Variants in PCSK9 observed in about 807,000 individuals in gnomAD.
The protein encoded by PCSK9 is proprotein convertase subtilisin/kexin type 9.
PCSK9 carries 57 observed loss-of-function variants against 62.1 expected under a neutral mutation model. That is an observed-to-expected ratio of 0.92 (90% CI 0.74 to 1.14). The LOEUF (loss-of-function observed/expected upper bound fraction) is 1.14. PCSK9 is among the 50% of genes most tolerant of loss of function. PCSK9 has a pLI of 0.00. For missense variants in PCSK9, 870 were observed against 959.8 expected, an observed-to-expected ratio of 0.91 and a Z score of 1.24; for synonymous variants, 387 against 409.4, an observed-to-expected ratio of 0.95 and a Z score of 0.66.
chr1:55,058,830 G>A (rs756311605), intron 9 of PCSK9, among the ~76,000 whole-genome samples, 183 bp downstream of exon 9: 3 of 152,162 alleles, frequency 2.0e-5, no homozygotes, highest in African/African-American at 2.4e-5. Flanking sequence ...CTCACTTCAC[G>A]CGGCTGGGGG....
At position 55,061,341 on chromosome 1, in the gene PCSK9, A is replaced by G. The variant is rs72646524; in HGVS notation, c.1682-34A>G. 5.1e-4 allele frequency: 816 copies of G among 1,584,570 alleles called. 1 individual carries two copies. The African/African-American group carries it at 7.8e-3, about 15-fold the overall frequency. On this transcript the variant is annotated intron_variant, in intron 10 of 11. Transcript: ENST00000302118. ...GGCACTGGAGACGGAGCATCCCAGCATTTCACATCTGAGCTGGCTTTCCTC... is the reference window on the plus strand; with the variant it reads ...GGCACTGGAGACGGAGCATCCCAGCGTTTCACATCTGAGCTGGCTTTCCTC...
In PCSK9 at chr1:55,063,883, T is replaced by C; in HGVS notation, c.*299T>C. 4.1e-6 allele frequency: 2 copies of C among 484,296 alleles called. No homozygotes were observed. The highest frequency in any genetic ancestry group is 1.1e-3 in the Middle Eastern group (2 of 1,836). The allele number at this position is 484,296 out of a possible 1,614,324, so 30.0% of individuals were successfully genotyped here. A position where few individuals can be genotyped will look rare whatever the true frequency, so the allele number is the denominator to read the frequency against. On this transcript the variant is annotated 3_prime_UTR_variant, in exon 12 of 12. Transcript: ENST00000302118. ...CTCGGGTGCTGCCAGCTGCTCCCAA[T>C]GTGCCGATGTCCGTGGGCAGAATGA...
intron 6 of PCSK9, 25 bp downstream of exon 6, chr1:55,056,214 A>C: frequency 2.5e-6 from 2 of 811,350 alleles, no homozygotes; most frequent in South Asian, 3.9e-5. Flanking sequence ...TGCTGCCCCA[A>C]GGCGCGGGTA....
Position 55,046,542 on chromosome 1 carries a change from T to C in PCSK9, c.419T>C (p.Val140Ala). 1 of 1,614,142 alleles carries C rather than the reference T, an allele frequency of 6.2e-7. No homozygotes were observed. Among genetic ancestry groups the C allele is most frequent in the African/African-American group, 1.3e-5 (1 of 75,024 alleles). ...CTGCAGGCCTTGAAGTTGCCCCATG[T>C]CGACTACATCGAGGAGGACTCCTCT... ...LLELALKLPHVDYIEEDSSVF... is the reference protein window; with the variant it reads ...LLELALKLPHADYIEEDSSVF... Residue 140 changes from valine (V) to alanine (A), a missense_variant, in exon 3 of 12, where the codon GTC becomes GCC. Coordinates refer to ENST00000302118, the MANE Select transcript of PCSK9 (RefSeq NM_174936.4).
intron 5 of PCSK9, among the ~76,000 whole-genome samples, chr1:55,053,961 G>C (rs946694838): frequency 2.6e-5 from 4 of 152,190 alleles, no homozygotes; most frequent in Non-Finnish European, 5.9e-5. Flanking sequence ...CTTATTGCAT[G>C]ACCTGGCACG....
Position 55,059,528 on chromosome 1 carries a change from G to C in PCSK9, c.1546G>C (p.Gly516Arg). Residue 516 changes from glycine to arginine, a missense_variant, in exon 10 of 12, where the codon GGG becomes CGG. By Grantham distance (125) the Gly-to-Arg change is moderately radical (BLOSUM62 -2). Transcript: ENST00000302118. Reference protein sequence around the residue: ...KLVCRAHNAFGGEGVYAIARC... With the variant: ...KLVCRAHNAFRGEGVYAIARC... ...GGTCTGCCGGGCCCACAACGCTTTT[G>C]GGGGTGAGGGTGTCTACGCCATTGC... The C allele has an allele frequency of 4.5e-6, 7 of 1,564,670 alleles. No homozygotes were observed. Among genetic ancestry groups the C allele is most frequent in the Non-Finnish European group, 6.1e-6 (7 of 1,153,456 alleles).
At chr1:55,041,848 T>C (rs1644599899) in intron 1 of PCSK9, among the ~76,000 whole-genome samples, 1 of 152,134 alleles carries the variant, frequency 6.6e-6, no homozygotes, top group Non-Finnish European at 1.5e-5. Flanking sequence ...GCGATGATGG[T>C]GTCATGAGAA....
rs1305635836 is a variant in PCSK9, at chr1:55,046,579, G to A, written c.456G>A (p.Gln152=). 5 of 1,614,170 alleles carry A rather than the reference G, an allele frequency of 3.1e-6. No individual in the cohort carries two copies. Among genetic ancestry groups the A allele is most frequent in the Non-Finnish European group, 4.2e-6 (5 of 1,180,038 alleles). Residue 152 remains glutamine, a synonymous_variant, in exon 3 of 12, where the codon CAG becomes CAA. Coordinates refer to ENST00000302118, the MANE Select transcript of PCSK9 (RefSeq NM_174936.4). ...AGGAGGACTCCTCTGTCTTTGCCCA[G>A]AGCATCCCGTGGAACCTGGAGCGGA... ...YIEEDSSVFA[Q]SIPWNLERIT... is the part of the protein sequence containing the mutation.
intron 7 of PCSK9, 75 bp downstream of exon 7, chr1:55,057,589 C>T (rs372109954): frequency 1.3e-6 from 2 of 1,505,420 alleles, no homozygotes; most frequent in African/African-American, 2.8e-5. Context: ...GTGCCGGGAC[C>T]TCCAGTGCCA....
intron 11 of PCSK9, among the ~76,000 whole-genome samples, chr1:55,062,558 G>A (rs192122768): frequency 1.2e-4 from 19 of 152,364 alleles, no homozygotes; most frequent in Admixed American, 1.2e-3. Flanking sequence ...AGCAAGGAAG[G>A]GAATGGGGTG....
At chr1:55,046,498 C>A (rs936600574) in intron 2 of PCSK9, 25 bp from the exon 3 acceptor site, 1 of 1,614,044 alleles carries the variant, frequency 6.2e-7, no homozygotes, top group African/African-American at 1.3e-5. Context: ...TAAGCAGAGT[C>A]CCCCGGCCTC....
Position 55,058,100 on chromosome 1 carries a change from G to C in PCSK9, c.1245G>C (p.Leu415=), listed in dbSNP as rs1298084399. 6.2e-7 allele frequency: 1 copy of C among 1,613,724 alleles called. No individual in the cohort carries two copies. The highest frequency in any genetic ancestry group is 1.1e-5 in the South Asian group (1 of 91,084). Residue 415 remains leucine (L), a synonymous_variant, in exon 8 of 12, where the codon CTG becomes CTC. Coordinates refer to ENST00000302118, the MANE Select transcript of PCSK9 (RefSeq NM_174936.4). ...CCCTGGCCGAGTTGAGGCAGAGACTGATCCACTTCTCTGCCAAAGATGTCA... is the reference window on the plus strand; with the variant it reads ...CCCTGGCCGAGTTGAGGCAGAGACTCATCCACTTCTCTGCCAAAGATGTCA... The part of the protein sequence containing the change: ...ELTLAELRQR[L]IHFSAKDVIN...
At chr1:55,053,572 C>T (rs1644691979) in intron 5 of PCSK9, among the ~76,000 whole-genome samples, 1 of 152,190 alleles carries the variant, frequency 6.6e-6, no homozygotes, top group Admixed American at 6.5e-5. Context: ...CCACTGTAAG[C>T]CCCAGCCCCC....
intron 1 of PCSK9, among the ~76,000 whole-genome samples, chr1:55,042,255 G>T (rs369013756): frequency 1.3e-5 from 2 of 152,126 alleles, no homozygotes; most frequent in Non-Finnish European, 2.9e-5. Flanking sequence ...GAGCCACCAC[G>T]CCTGGCCTCC....
chr1:55,047,714 G>A (rs933288399), intron 3 of PCSK9, among the ~76,000 whole-genome samples: 86 of 152,328 alleles, frequency 5.6e-4, no homozygotes, highest in African/African-American at 2.0e-3. Flanking sequence ...TGGGTGTGGA[G>A]AAAGGGTTTG....
At chr1:55,053,304 C>T (rs528947361) in intron 5 of PCSK9, among the ~76,000 whole-genome samples, 1 of 152,108 alleles carries the variant, frequency 6.6e-6, no homozygotes, top group Admixed American at 6.5e-5. Flanking sequence ...CAGCGGCCCC[C>T]CTATGAAGTC....
At chr1:55,041,609 G>A (rs1039972930) in intron 1 of PCSK9, among the ~76,000 whole-genome samples, 2 of 152,112 alleles carry the variant, frequency 1.3e-5, no homozygotes, top group African/African-American at 2.4e-5. Flanking sequence ...TGTGGGAATC[G>A]AATTTAGAAT....
chr1:55,044,073 GC>G, intron 2 of PCSK9, 39 bp downstream of exon 2: 1 of 1,608,368 alleles, frequency 6.2e-7, no homozygotes, highest in Non-Finnish European at 8.5e-7. Flanking sequence ...TCCTGATAGG[GC>G]TGGGCCACTG....
chr1:55,055,490 A>G (rs1644707752), intron 5 of PCSK9, among the ~76,000 whole-genome samples: 1 of 152,180 alleles, frequency 6.6e-6, no homozygotes, highest in African/African-American at 2.4e-5. Flanking sequence ...GGGGTTGGCT[A>G]GTTTGATTGC....
Sources: allele counts gnomAD v4.1 joint callset (sites outside exome capture counted in the v4.1 genomes callset), GRCh38; gene constraint gnomAD v4.1.1; transcripts MANE v1.5; gene names NCBI Gene and HGNC (gene_info 2026-07-23, HGNC 2026-07-21).